The following SHISA9 variants were observed in gnomAD, a reference collection of about 807,000 sequenced individuals.
SHISA9 encodes shisa family member 9.
Under a neutral mutation model 38.0 loss-of-function variants are expected in SHISA9, and 13 were observed. The observed-to-expected ratio is 0.34, with a 90% confidence interval of 0.22 to 0.54. The LOEUF (loss-of-function observed/expected upper bound fraction) is 0.54. SHISA9 is among the 20% of genes least tolerant of loss of function. The pLI, the probability that SHISA9 is intolerant of heterozygous loss-of-function variation, is 0.91. For synonymous variants in SHISA9, 275 were observed against 242.0 expected, an observed-to-expected ratio of 1.14 and a Z score of -1.27; for missense variants, 538 against 575.8, an observed-to-expected ratio of 0.93 and a Z score of 0.67.
intron 2 of SHISA9, among the ~76,000 whole-genome samples, chr16:12,928,282 C>T (rs976578939): frequency 3.3e-5 from 5 of 150,558 alleles, no homozygotes; most frequent in Admixed American, 2.0e-4. Context: ...ATACTAGGCA[C>T]TGGGGCTTGT....
At chr16:13,208,755 C>T (rs540850862) in intron 3 of SHISA9, among the ~76,000 whole-genome samples, 1 of 152,294 alleles carries the variant, frequency 6.6e-6, no homozygotes, top group African/African-American at 2.4e-5. Flanking sequence ...ATTCATTCTC[C>T]AAACATTAAG....
At chr16:13,480,642 A>G in the SHISA9 span, among the ~76,000 whole-genome samples, 1 of 152,102 alleles carries the variant, frequency 6.6e-6, no homozygotes, top group East Asian at 1.9e-4. Context: ...TCTACCACAC[A>G]ATGTTTTGCA....
At chr16:13,116,068 T>A (rs1234833778) in intron 2 of SHISA9, among the ~76,000 whole-genome samples, 1 of 152,204 alleles carries the variant, frequency 6.6e-6, no homozygotes, top group Non-Finnish European at 1.5e-5. Flanking sequence ...GTGTTATCCA[T>A]GGATTGAATC....
At chr16:13,309,395 C>T in the SHISA9 span, among the ~76,000 whole-genome samples, 99 of 152,036 alleles carry the variant, frequency 6.5e-4, no homozygotes, top group Non-Finnish European at 1.3e-3. Flanking sequence ...GTAATCCCAC[C>T]ACTTTGGGAG....
the SHISA9 span, among the ~76,000 whole-genome samples, chr16:13,346,755 C>T: frequency 2.0e-5 from 3 of 152,238 alleles, no homozygotes; most frequent in East Asian, 1.9e-4. Flanking sequence ...TTTTATTTCC[C>T]CTTTTCCCCT....
At chr16:13,499,859 C>G in the SHISA9 span, among the ~76,000 whole-genome samples, 1 of 152,102 alleles carries the variant, frequency 6.6e-6, no homozygotes, top group South Asian at 2.1e-4. Context: ...TGCATCTATC[C>G]GTCTACTTAC....
chr16:13,542,930 T>A, the SHISA9 span, among the ~76,000 whole-genome samples: 3 of 152,222 alleles, frequency 2.0e-5, no homozygotes, highest in African/African-American at 4.8e-5. Context: ...CCGTGAACAG[T>A]ATTGGGTTTA....
chr16:13,496,759 T>C, the SHISA9 span, among the ~76,000 whole-genome samples: 1 of 152,014 alleles, frequency 6.6e-6, no homozygotes, highest in Non-Finnish European at 1.5e-5. Flanking sequence ...AAAAAATCCA[T>C]GCAGAGTAGA....
At chr16:13,252,301 T>C in the SHISA9 span, among the ~76,000 whole-genome samples, 1 of 152,186 alleles carries the variant, frequency 6.6e-6, no homozygotes, top group African/African-American at 2.4e-5. Flanking sequence ...GTCGTATCCC[T>C]CCTCCAGGGG....
chr16:13,475,663 A>T, the SHISA9 span, among the ~76,000 whole-genome samples: 2 of 152,166 alleles, frequency 1.3e-5, no homozygotes, highest in African/African-American at 4.8e-5. Context: ...AGCATATCAC[A>T]TTTATTGCGG....
the SHISA9 span, among the ~76,000 whole-genome samples, chr16:13,261,706 T>C: frequency 5.1e-4 from 77 of 152,332 alleles, no homozygotes; most frequent in African/African-American, 1.8e-3. Context: ...TGGTGGCACT[T>C]GTCTACCAAA....
At chr16:13,358,964 G>A in the SHISA9 span, among the ~76,000 whole-genome samples, 1 of 152,170 alleles carries the variant, frequency 6.6e-6, no homozygotes, top group East Asian at 1.9e-4. Context: ...ATTACTGATG[G>A]AATTTTTGGA....
At chr16:13,395,079 C>G in the SHISA9 span, among the ~76,000 whole-genome samples, 1 of 152,034 alleles carries the variant, frequency 6.6e-6, no homozygotes, top group Non-Finnish European at 1.5e-5. Flanking sequence ...GCTTTGCAGT[C>G]TGGCTATGAA....
chr16:13,298,340 T>C, the SHISA9 span, among the ~76,000 whole-genome samples: 1 of 152,142 alleles, frequency 6.6e-6, no homozygotes, highest in Admixed American at 6.5e-5. Context: ...AATTTTCTAT[T>C]AATAATTATT....
intron 2 of SHISA9, among the ~76,000 whole-genome samples, chr16:13,008,674 CCTCCCT>C (rs2072631735): frequency 8.1e-6 from 1 of 123,626 alleles, no homozygotes; most frequent in Non-Finnish European, 1.7e-5. Context: ...TTCCTCCCTC[CCTCCCT>C]CTCTCTCTCT....
chr16:12,939,017 A>G (rs2071572734), intron 2 of SHISA9, among the ~76,000 whole-genome samples: 2 of 152,112 alleles, frequency 1.3e-5, no homozygotes, highest in South Asian at 2.1e-4. Flanking sequence ...GTTTTGGGGG[A>G]AAAACTCCAT....
intron 2 of SHISA9, among the ~76,000 whole-genome samples, chr16:12,981,075 C>T (rs2072233949): frequency 6.6e-6 from 1 of 152,124 alleles, no homozygotes; most frequent in Non-Finnish European, 1.5e-5. Context: ...TGATTGTACT[C>T]CTCAAATATC....
the SHISA9 span, among the ~76,000 whole-genome samples, chr16:13,430,560 A>T: frequency 6.6e-6 from 1 of 152,140 alleles, no homozygotes; most frequent in Non-Finnish European, 1.5e-5. Context: ...ATTACATCTG[A>T]TGAAAGAATA....
chr16:13,181,302 TATATATATATACACAC>T (rs1239418133), intron 2 of SHISA9, among the ~76,000 whole-genome samples: 2 of 45,452 alleles, frequency 4.4e-5, no homozygotes, highest in East Asian at 6.3e-4. Context: ...TATATATATA[TATATATATATACACAC>T]ACACACACAC....
Sources: allele counts gnomAD v4.1 joint callset (sites outside exome capture counted in the v4.1 genomes callset), GRCh38; gene constraint gnomAD v4.1.1; transcripts MANE v1.5; gene names NCBI Gene and HGNC (gene_info 2026-07-23, HGNC 2026-07-21).